The following ADAMTSL3 variants were observed in gnomAD, a reference collection of about 807,000 sequenced individuals.
ADAMTSL3 encodes ADAMTS like 3, also known as ADAMTS-like protein 3.
A neutral mutation model predicts 201.7 loss-of-function variants in ADAMTSL3; 128 were observed. That is an observed-to-expected ratio of 0.63 (90% CI 0.55 to 0.73). ADAMTSL3 has a LOEUF of 0.73. Ranked by LOEUF, ADAMTSL3 falls within the 30% of genes least tolerant of loss-of-function variation. The pLI, the probability that ADAMTSL3 is intolerant of heterozygous loss-of-function variation, is 0.00. For synonymous variants in ADAMTSL3, 738 were observed against 748.4 expected, an observed-to-expected ratio of 0.99 and a Z score of 0.23; for missense variants, 1,990 against 2,119.6, an observed-to-expected ratio of 0.94 and a Z score of 1.20.
At chr15:83,669,129 G>T (rs1295395595) in intron 2 of ADAMTSL3, among the ~76,000 whole-genome samples, 1 of 152,152 alleles carries the variant, frequency 6.6e-6, no homozygotes, top group Non-Finnish European at 1.5e-5. Flanking sequence ...CTGTATCTCT[G>T]TGTGTTGGAG....
intron 3 of ADAMTSL3, among the ~76,000 whole-genome samples, chr15:83,753,488 A>G (rs1304459352): frequency 6.6e-6 from 1 of 152,182 alleles, no homozygotes; most frequent in Non-Finnish European, 1.5e-5. Context: ...GTGGGAGTTT[A>G]TTTAAAGCCT....
intron 3 of ADAMTSL3, among the ~76,000 whole-genome samples, chr15:83,743,559 C>T (rs1450798551): frequency 1.3e-5 from 2 of 150,884 alleles, no homozygotes; most frequent in African/African-American, 4.9e-5. Context: ...TTTCCCTTGC[C>T]TTTTGAGGAG....
chr15:83,986,662 A>G (rs1286305555), intron 21 of ADAMTSL3, among the ~76,000 whole-genome samples: 1 of 152,236 alleles, frequency 6.6e-6, no homozygotes, highest in Admixed American at 6.5e-5. Flanking sequence ...GAATCTTACA[A>G]ATCTTTTCAG....
At chr15:83,730,090 A>G (rs2062241541) in intron 3 of ADAMTSL3, among the ~76,000 whole-genome samples, 1 of 152,120 alleles carries the variant, frequency 6.6e-6, no homozygotes, top group African/African-American at 2.4e-5. Flanking sequence ...AGTTTGAAAA[A>G]GACCACTCAG....
At chr15:83,803,971 C>T (rs554254704) in intron 4 of ADAMTSL3, among the ~76,000 whole-genome samples, 7 of 152,154 alleles carry the variant, frequency 4.6e-5, no homozygotes, top group African/African-American at 1.4e-4. Context: ...GGTGTAACCC[C>T]GTCTCTAATA....
chr15:83,817,193 G>T (rs983331016), intron 5 of ADAMTSL3, among the ~76,000 whole-genome samples: 1 of 152,140 alleles, frequency 6.6e-6, no homozygotes, highest in Non-Finnish European at 1.5e-5. Context: ...TTCCAAAAAG[G>T]ATTTAAGGAA....
chr15:84,024,648 A>G (rs1285619775), intron 26 of ADAMTSL3, among the ~76,000 whole-genome samples: 1 of 152,084 alleles, frequency 6.6e-6, no homozygotes, highest in Non-Finnish European at 1.5e-5. Flanking sequence ...TCAATATCTC[A>G]AAGGTGTCCA....
intron 7 of ADAMTSL3, among the ~76,000 whole-genome samples, chr15:83,857,613 C>T (rs1441172349): frequency 6.6e-6 from 1 of 152,102 alleles, no homozygotes; most frequent in Non-Finnish European, 1.5e-5. Context: ...CTGGAATGGA[C>T]ATTCATCAAA....
intron 23 of ADAMTSL3, among the ~76,000 whole-genome samples, chr15:84,004,630 C>T (rs990940678): frequency 1.3e-5 from 2 of 152,038 alleles, no homozygotes; most frequent in Non-Finnish European, 2.9e-5. Flanking sequence ...GAACTAAAAG[C>T]GGGGGCTAAA....
Position 83,825,792 on chromosome 15 carries a change from T to A in ADAMTSL3, c.600+5745T>A, listed in dbSNP as rs1229097769. ...ACAGGAATGTAACAGCAGGTGCAGATGTGTTTAAGGTCCAGGAGTGCATTC... is the reference window on the plus strand; with the variant it reads ...ACAGGAATGTAACAGCAGGTGCAGAAGTGTTTAAGGTCCAGGAGTGCATTC... On this transcript the variant is annotated intron_variant, in intron 6 of 29. Transcript: ENST00000286744. Among the ~76,000 whole-genome samples, 4 of 151,808 alleles carry A rather than the reference T, an allele frequency of 2.6e-5. No individual in the cohort carries two copies. In the East Asian group the frequency reaches 7.8e-4, roughly 30 times the overall value.
chr15:83,937,133 G>A (rs371137723), intron 17 of ADAMTSL3, among the ~76,000 whole-genome samples: 1 of 150,660 alleles, frequency 6.6e-6, no homozygotes, highest in Non-Finnish European at 1.5e-5. Flanking sequence ...AAAAATTACC[G>A]TTTGACCCAG....
At chr15:83,860,784 G>A (rs1015394816) in intron 8 of ADAMTSL3, among the ~76,000 whole-genome samples, 1 of 152,168 alleles carries the variant, frequency 6.6e-6, no homozygotes, top group Non-Finnish European at 1.5e-5. Flanking sequence ...CTGAGGTACC[G>A]GGTTCCTCTC....
chr15:83,967,746 C>A (rs1482374203), intron 19 of ADAMTSL3, among the ~76,000 whole-genome samples: 11 of 152,092 alleles, frequency 7.2e-5, no homozygotes, highest in Non-Finnish European at 1.0e-4. Flanking sequence ...GCAAAAAGAA[C>A]AAAGCTGGAG....
intron 27 of ADAMTSL3, among the ~76,000 whole-genome samples, chr15:84,026,217 C>G (rs1305194022): frequency 6.6e-6 from 1 of 151,928 alleles, no homozygotes; most frequent in Non-Finnish European, 1.5e-5. Flanking sequence ...CAGAAACGGA[C>G]CAGATTGACT....
At chr15:84,003,576 G>A (rs966044526) in intron 23 of ADAMTSL3, among the ~76,000 whole-genome samples, 8 of 152,130 alleles carry the variant, frequency 5.3e-5, no homozygotes, top group African/African-American at 1.2e-4. Flanking sequence ...TGGCTAGTCC[G>A]GAGTTTCCCA....
chr15:84,002,142 A>G (rs577171121), intron 23 of ADAMTSL3, among the ~76,000 whole-genome samples: 3 of 152,212 alleles, frequency 2.0e-5, no homozygotes, highest in South Asian at 2.1e-4. Flanking sequence ...TGGTGAAAAC[A>G]TGGGCCTGTA....
chr15:83,858,695 G>C, intron 7 of ADAMTSL3, 71 bp from the exon 8 acceptor site: 1 of 1,259,650 alleles, frequency 7.9e-7, no homozygotes, highest in Non-Finnish European at 1.1e-6. Context: ...CCCCAGTTTT[G>C]ATTGACTTGC....
intron 17 of ADAMTSL3, among the ~76,000 whole-genome samples, chr15:83,941,458 C>A (rs936038182): frequency 9.2e-5 from 14 of 151,854 alleles, no homozygotes; most frequent in Non-Finnish European, 1.6e-4. Context: ...TCATCACTGG[C>A]AACATTTTAA....
At chr15:83,830,445 A>G (rs2064132679) in intron 6 of ADAMTSL3, among the ~76,000 whole-genome samples, 1 of 152,210 alleles carries the variant, frequency 6.6e-6, no homozygotes, top group African/African-American at 2.4e-5. Context: ...AACGGAAGAT[A>G]AGGGCGGGTG....
Sources: gnomAD v4.1 joint callset for allele counts (sites outside exome capture counted in the v4.1 genomes callset) on GRCh38, gnomAD v4.1.1 for gene constraint, MANE v1.5 for transcripts, NCBI Gene and HGNC (gene_info 2026-07-23, HGNC 2026-07-21) for gene names.